Variants in ENTREP2 observed in about 807,000 individuals in gnomAD.
ENTREP2 encodes protein ENTREP2.
chr15:29,125,158 A>G, the ENTREP2 span, among the ~76,000 whole-genome samples: 1 of 152,188 alleles, frequency 6.6e-6, no homozygotes, highest in Non-Finnish European at 1.5e-5. Context: ...TTTCACTGAG[A>G]GGGACAGGCC....
the ENTREP2 span, among the ~76,000 whole-genome samples, chr15:29,630,929 G>A: frequency 6.6e-6 from 1 of 152,082 alleles, no homozygotes; most frequent in South Asian, 2.1e-4. Flanking sequence ...GTGATCCCCC[G>A]CCTCGGCCTC....
At chr15:29,392,068 T>G in the ENTREP2 span, among the ~76,000 whole-genome samples, 2 of 152,092 alleles carry the variant, frequency 1.3e-5, no homozygotes, top group Non-Finnish European at 2.9e-5. Context: ...GACCTCGTGA[T>G]CTGCCCGCCT....
the ENTREP2 span, among the ~76,000 whole-genome samples, chr15:29,552,348 A>C: frequency 2.6e-5 from 4 of 152,228 alleles, no homozygotes; most frequent in African/African-American, 4.8e-5. Flanking sequence ...ACAAATATAC[A>C]GAGTTATATG....
chr15:29,563,767 G>C, the ENTREP2 span, among the ~76,000 whole-genome samples: 1 of 152,136 alleles, frequency 6.6e-6, no homozygotes, highest in South Asian at 2.1e-4. Flanking sequence ...AACCCGGGAG[G>C]CTGAGGATGT....
At chr15:29,263,248 T>C in the ENTREP2 span, among the ~76,000 whole-genome samples, 3 of 152,208 alleles carry the variant, frequency 2.0e-5, no homozygotes, top group African/African-American at 4.8e-5. Flanking sequence ...ACATGTAGAT[T>C]TGTTCCAAAC....
At chr15:29,285,199 G>A in the ENTREP2 span, among the ~76,000 whole-genome samples, 1 of 152,200 alleles carries the variant, frequency 6.6e-6, no homozygotes. Context: ...GTTAGATGGT[G>A]TTCTATTGGG....
chr15:29,138,723 G>C, the ENTREP2 span, among the ~76,000 whole-genome samples: 4 of 143,486 alleles, frequency 2.8e-5, no homozygotes, highest in African/African-American at 9.9e-5. Flanking sequence ...GTGTGTGTGT[G>C]TGTTGAGGGG....
At chr15:29,545,052 A>G in the ENTREP2 span, among the ~76,000 whole-genome samples, 4 of 152,230 alleles carry the variant, frequency 2.6e-5, no homozygotes, top group East Asian at 7.7e-4. Flanking sequence ...GTTGCCTTCC[A>G]TCGGGCTAAG....
chr15:29,422,183 T>C, the ENTREP2 span, among the ~76,000 whole-genome samples: 79 of 152,058 alleles, frequency 5.2e-4, no homozygotes, highest in Admixed American at 2.0e-3. Flanking sequence ...GGCAGGAGAA[T>C]TGCTTGAACC....
the ENTREP2 span, among the ~76,000 whole-genome samples, chr15:29,654,443 CAG>C: frequency 2.0e-5 from 3 of 151,852 alleles, no homozygotes; most frequent in African/African-American, 2.4e-5. Context: ...TACGCTTTGA[CAG>C]AAAGATTTCA....
the ENTREP2 span, among the ~76,000 whole-genome samples, chr15:29,229,174 AAG>A: frequency 1.8e-3 from 275 of 151,192 alleles, 2 homozygotes; most frequent in African/African-American, 6.1e-3. Context: ...AAGTATGAAA[AAG>A]AAATTTAAAA....
At chr15:29,623,101 T>C in the ENTREP2 span, among the ~76,000 whole-genome samples, 3 of 152,194 alleles carry the variant, frequency 2.0e-5, no homozygotes, top group Non-Finnish European at 4.4e-5. Context: ...GACAAAGAGT[T>C]ATGGGAGAAG....
chr15:29,355,027 A>G, the ENTREP2 span, among the ~76,000 whole-genome samples: 1 of 152,076 alleles, frequency 6.6e-6, no homozygotes, highest in Non-Finnish European at 1.5e-5. Context: ...AGGCATGGCA[A>G]CTGGGGTATT....
chr15:29,331,117 C>G, the ENTREP2 span, among the ~76,000 whole-genome samples: 10 of 152,208 alleles, frequency 6.6e-5, no homozygotes, highest in Non-Finnish European at 1.2e-4. Flanking sequence ...GTGAGTTTTA[C>G]ACTGACGGAA....
the ENTREP2 span, among the ~76,000 whole-genome samples, chr15:29,577,861 A>G: frequency 6.6e-6 from 1 of 152,212 alleles, no homozygotes; most frequent in Non-Finnish European, 1.5e-5. Flanking sequence ...GATCCACCTT[A>G]TGAAGTACCT....
the ENTREP2 span, among the ~76,000 whole-genome samples, chr15:29,441,800 G>A: frequency 2.6e-5 from 4 of 152,036 alleles, no homozygotes; most frequent in South Asian, 6.2e-4. Flanking sequence ...TCATATGGTG[G>A]AGTCCTTGGG....
At chr15:29,261,676 T>A in the ENTREP2 span, among the ~76,000 whole-genome samples, 2 of 152,126 alleles carry the variant, frequency 1.3e-5, no homozygotes, top group South Asian at 2.1e-4. Context: ...AGCAATTTTT[T>A]AAAAAATCAA....
chr15:29,606,583 C>A, the ENTREP2 span, among the ~76,000 whole-genome samples: 1 of 151,960 alleles, frequency 6.6e-6, no homozygotes, highest in Non-Finnish European at 1.5e-5. Flanking sequence ...ACTGTCTTTC[C>A]TTGAGTATGT....
the ENTREP2 span, among the ~76,000 whole-genome samples, chr15:29,303,725 T>C: frequency 1.3e-5 from 2 of 151,496 alleles, no homozygotes; most frequent in Non-Finnish European, 1.5e-5. Flanking sequence ...AGCTCCCATT[T>C]ATAAGTGAGA....
Sources: gnomAD v4.1 joint callset for allele counts (sites outside exome capture counted in the v4.1 genomes callset) on GRCh38, gnomAD v4.1.1 for gene constraint, MANE v1.5 for transcripts, NCBI Gene and HGNC (gene_info 2026-07-23, HGNC 2026-07-21) for gene names.